Variants in CSMD1 observed in about 807,000 individuals in gnomAD.
CSMD1 encodes the protein CUB and Sushi multiple domains 1.
CSMD1 carries 213 observed loss-of-function variants against 417.5 expected under a neutral mutation model. That is an observed-to-expected ratio of 0.51 (90% CI 0.46 to 0.57). The LOEUF is 0.57. CSMD1 is among the 20% of genes least tolerant of loss of function. The pLI, the probability that CSMD1 is intolerant of heterozygous loss-of-function variation, is 0.00. For synonymous variants in CSMD1, 2,862 were observed against 1,736.8 expected, an observed-to-expected ratio of 1.65 and a Z score of -16.11; for missense variants, 6,923 against 4,529.7, an observed-to-expected ratio of 1.53 and a Z score of -15.17.
chr8:3,685,011 G>A (rs956119888), intron 7 of CSMD1, among the ~76,000 whole-genome samples: 1 of 152,108 alleles, frequency 6.6e-6, no homozygotes, highest in African/African-American at 2.4e-5. Flanking sequence ...GGACTGAAGT[G>A]AGCTCCACTT....
rs148692930 is a variant in CSMD1 at position 4,115,312 on chromosome 8, A to G, written c.416-83213T>C. On this transcript the variant is annotated intron_variant, in intron 3 of 69. Transcript: ENST00000635120. ...AGCATTTTTGGCAACAAAATATTTT[A>G]AAATTAAGGTATGTACACATTTTAG... 7.9e-3 allele frequency among the ~76,000 whole-genome samples: 1,208 copies of G among 152,328 alleles called. 9 individuals are homozygous for G. Among genetic ancestry groups the G allele is most frequent in the Middle Eastern group, 0.027 (8 of 294 alleles).
At chr8:3,054,308 G>A (rs994814166) in intron 49 of CSMD1, among the ~76,000 whole-genome samples, 3 of 152,312 alleles carry the variant, frequency 2.0e-5, no homozygotes, top group Non-Finnish European at 4.4e-5. Context: ...TGGATGATCA[G>A]GTACTGCAAC....
intron 11 of CSMD1, among the ~76,000 whole-genome samples, chr8:3,493,092 G>A (rs369404748): frequency 2.6e-5 from 4 of 152,068 alleles, no homozygotes; most frequent in East Asian, 1.9e-4. Context: ...TCAGGAGTTC[G>A]AGACCAACCG....
chr8:4,233,409 A>C (rs865911289), intron 3 of CSMD1, among the ~76,000 whole-genome samples: 3 of 152,316 alleles, frequency 2.0e-5, no homozygotes, highest in Middle Eastern at 6.8e-3. Context: ...CACAAAATTC[A>C]TGTGTTGAAA....
chr8:2,975,036 T>G (rs912845074), intron 55 of CSMD1, among the ~76,000 whole-genome samples: 7 of 152,238 alleles, frequency 4.6e-5, no homozygotes, highest in Admixed American at 3.9e-4. Context: ...ACAATCATAT[T>G]CTTTGCTTGC....
intron 5 of CSMD1, among the ~76,000 whole-genome samples, chr8:3,915,646 A>G (rs182580543): frequency 5.9e-5 from 9 of 151,436 alleles, no homozygotes; most frequent in Admixed American, 2.0e-4. Flanking sequence ...AATTTAACAG[A>G]ACCTGTGTAC....
At chr8:4,716,381 G>T (rs1196778706) in intron 1 of CSMD1, among the ~76,000 whole-genome samples, 1 of 152,162 alleles carries the variant, frequency 6.6e-6, no homozygotes, top group Non-Finnish European at 1.5e-5. Flanking sequence ...ACTGAATTTG[G>T]AAGGCCAACA....
At chr8:3,316,706 G>A (rs942518022) in intron 23 of CSMD1, among the ~76,000 whole-genome samples, 2 of 152,076 alleles carry the variant, frequency 1.3e-5, no homozygotes, top group Admixed American at 6.6e-5. Context: ...ATGGAGACAG[G>A]GATTGAAGGG....
intron 1 of CSMD1, among the ~76,000 whole-genome samples, chr8:4,912,567 T>C (rs1805764408): frequency 6.6e-6 from 1 of 152,160 alleles, no homozygotes; most frequent in African/African-American, 2.4e-5. Context: ...ACTGGGGTAG[T>C]CTGAAATGAA....
chr8:3,759,835 G>C (rs961652534), intron 5 of CSMD1, among the ~76,000 whole-genome samples: 1 of 149,320 alleles, frequency 6.7e-6, no homozygotes, highest in Non-Finnish European at 1.5e-5. Flanking sequence ...TTGAACCTGA[G>C]AGGCAGAGGT....
At chr8:4,161,568 C>T (rs1427234848) in intron 3 of CSMD1, among the ~76,000 whole-genome samples, 1 of 152,158 alleles carries the variant, frequency 6.6e-6, no homozygotes, top group African/African-American at 2.4e-5. Flanking sequence ...TTGTTTTGGA[C>T]AGAGTTCATC....
intron 1 of CSMD1, among the ~76,000 whole-genome samples, chr8:4,959,042 T>C (rs1273975344): frequency 6.6e-6 from 1 of 152,198 alleles, no homozygotes; most frequent in Non-Finnish European, 1.5e-5. Flanking sequence ...CCATGCTATA[T>C]AGTATATGTC....
chr8:3,342,241 G>A (rs1350777663), intron 23 of CSMD1, among the ~76,000 whole-genome samples: 3 of 152,130 alleles, frequency 2.0e-5, no homozygotes, highest in Admixed American at 6.5e-5. Context: ...TCCTAAGAGG[G>A]ATTTGAGGTG....
intron 3 of CSMD1, among the ~76,000 whole-genome samples, chr8:4,335,337 G>T (rs554203503): frequency 5.3e-5 from 8 of 152,090 alleles, no homozygotes; most frequent in East Asian, 1.9e-4. Flanking sequence ...CTTTTGTGGG[G>T]AAAGGCACAA....
chr8:4,470,362 G>A (rs1025067340), intron 2 of CSMD1, among the ~76,000 whole-genome samples: 1 of 152,128 alleles, frequency 6.6e-6, no homozygotes, highest in East Asian at 1.9e-4. Flanking sequence ...AACTCCCAAT[G>A]CTTCCTCTCT....
At chr8:4,190,816 G>C (rs934471870) in intron 3 of CSMD1, among the ~76,000 whole-genome samples, 1 of 152,060 alleles carries the variant, frequency 6.6e-6, no homozygotes, top group African/African-American at 2.4e-5. Context: ...GATGGAGCTG[G>C]GGGCCATTAC....
intron 2 of CSMD1, among the ~76,000 whole-genome samples, chr8:4,593,606 G>C (rs903715801): frequency 6.6e-6 from 1 of 152,070 alleles, no homozygotes; most frequent in Non-Finnish European, 1.5e-5. Flanking sequence ...ACAAATGACA[G>C]AAATATTTTT....
chr8:3,331,169 T>C (rs987412502), intron 23 of CSMD1, among the ~76,000 whole-genome samples: 41 of 147,024 alleles, frequency 2.8e-4, no homozygotes, highest in Non-Finnish European at 5.0e-4. Context: ...ACCCGGGAGG[T>C]GGAGCTTGCA....
intron 3 of CSMD1, among the ~76,000 whole-genome samples, chr8:4,215,022 C>G (rs576663891): frequency 6.6e-6 from 1 of 152,280 alleles, no homozygotes; most frequent in Non-Finnish European, 1.5e-5. Flanking sequence ...AATTCTGCCT[C>G]AGTTTTAATG....
Sources: allele counts gnomAD v4.1 joint callset (sites outside exome capture counted in the v4.1 genomes callset), GRCh38; gene constraint gnomAD v4.1.1; transcripts MANE v1.5; gene names NCBI Gene and HGNC (gene_info 2026-07-23, HGNC 2026-07-21).